ASB14: variants seen among roughly 807,000 people sequenced by gnomAD.
ASB14 encodes the protein ankyrin repeat and SOCS box protein 14.
ASB14 carries 63 observed loss-of-function variants against 55.6 expected under a neutral mutation model. The ratio of observed to expected loss-of-function variants is 1.13; its 90% CI spans 0.92 to 1.40. ASB14 has a LOEUF of 1.40. Ranked by LOEUF, ASB14 falls within the 40% of genes most tolerant of loss-of-function variation. ASB14 has a pLI of 0.00. For synonymous variants in ASB14, 256 were observed against 259.9 expected (o/e 0.98, Z 0.15); for missense variants, 724 against 710.4 (o/e 1.02, Z -0.22).
Position 57,287,886 on chromosome 3 carries a change from A to T in ASB14, c.469+15T>A. On this transcript the variant is annotated intron_variant, in intron 5 of 10. Coordinates refer to ENST00000487349, the MANE Select transcript of ASB14 (RefSeq NM_001142733.3). ...CAGTGCCACAGACTCTTTCAGAAAC[A>T]ATGTATTCATTTACCTGCAAGAAGA... 2 of 1,536,302 alleles carry T rather than the reference A, an allele frequency of 1.3e-6. No homozygotes were observed. The highest frequency in any genetic ancestry group is 1.7e-6 in the Non-Finnish European group (2 of 1,146,356).
chr3:57,269,898 A>C, intron 10 of ASB14: 1 of 453,054 alleles, frequency 2.2e-6, no homozygotes, highest in South Asian at 5.0e-5. Context: ...ACTATGTATT[A>C]ACATCTAAAG....
At chr3:57,288,467 TG>T (rs1383616198) in intron 3 of ASB14, among the ~76,000 whole-genome samples, 181 bp from the exon 4 acceptor site, 5 of 152,218 alleles carry the variant, frequency 3.3e-5, no homozygotes, top group Non-Finnish European at 5.9e-5. Context: ...GTTCCGCACC[TG>T]GGCATGTGAA....
chr3:57,276,599 T>C lies in ASB14; in HGVS notation c.1715A>G (p.Tyr572Cys). The change falls in exon 10 of 11, where the codon TAC becomes TGC. Residue 572 changes from tyrosine to cysteine, a missense_variant. Transcript: ENST00000487349. ...LPNRLKAYVLYKEYDLYGQGI... is the reference protein window; with the variant it reads ...LPNRLKAYVLCKEYDLYGQGI... Reference sequence around the variant, plus strand: ...TTGTCCATAAAGGTCGTATTCTTTGTAAAGGACATATGCTTTTAGACGATT... The same window carrying C: ...TTGTCCATAAAGGTCGTATTCTTTGCAAAGGACATATGCTTTTAGACGATT... 6.2e-7 allele frequency: 1 copy of C among 1,613,806 alleles called. No homozygotes were observed. The highest frequency in any genetic ancestry group is 1.7e-5 in the Admixed American group (1 of 60,012).
In ASB14 at chr3:57,284,094, A is replaced by ATGTATGTGTGTGTGTGTGTG. The variant is rs1553640084; in HGVS notation, c.470-656_470-655insCACACACACACACACATACA. On this transcript the variant is annotated intron_variant, in intron 5 of 10. Transcript: ENST00000487349. The stretch of plus-strand genomic sequence containing the variant: ...AATAAAAGGCTTGGGAACACTGTGT[A>ATGTATGTGTGTGTGTGTGTG]TGTGTGTGTGTGTGTGTGTGTGTGT... 1.7e-3 allele frequency among the ~76,000 whole-genome samples: 235 copies of ATGTATGTGTGTGTGTGTGTG among 136,544 alleles called. 1 individual carries two copies. The highest frequency in any genetic ancestry group is 5.0e-3 in the Admixed American group (66 of 13,192). The allele number at this position is 136,544 out of a possible 152,430, so 89.6% of individuals were successfully genotyped here.
At chr3:57,284,941 GTT>G (rs10648367) in intron 5 of ASB14, among the ~76,000 whole-genome samples, 30 of 132,172 alleles carry the variant, frequency 2.3e-4, no homozygotes, top group Non-Finnish European at 3.0e-4. Flanking sequence ...TTTCAGTGTT[GTT>G]TTTTTTTTTT....
At chr3:57,273,652 G>A (rs1418103893) in intron 10 of ASB14, among the ~76,000 whole-genome samples, 1 of 151,524 alleles carries the variant, frequency 6.6e-6, no homozygotes, top group Non-Finnish European at 1.5e-5. Flanking sequence ...CAAACTAATC[G>A]ATCACTGGTG....
chr3:57,288,264 G>A lies in ASB14; in HGVS notation c.201C>T (p.His67=). 5 of 1,537,170 alleles carry A rather than the reference G, an allele frequency of 3.3e-6. No individual in the cohort carries two copies. The highest frequency in any genetic ancestry group is 3.5e-6 in the Non-Finnish European group (4 of 1,146,690). Residue 67 remains histidine (H), a synonymous_variant, in exon 4 of 11, where the codon CAC becomes CAT. Transcript: ENST00000487349. ...IEKGKEDALS[H]LTKYHSAFGE... The stretch of plus-strand genomic sequence containing the variant: ...CAAATGCGGAATGGTACTTGGTTAA[G>A]TGTGACAATGCATCTTCCTTACCTA...
intron 10 of ASB14, among the ~76,000 whole-genome samples, chr3:57,275,260 T>C (rs931144806): frequency 6.6e-6 from 1 of 152,092 alleles, no homozygotes; most frequent in Non-Finnish European, 1.5e-5. Context: ...AAGACCAGCC[T>C]GGCCAACATG....
intron 10 of ASB14, among the ~76,000 whole-genome samples, chr3:57,276,240 T>C (rs950691617): frequency 6.6e-6 from 1 of 151,810 alleles, no homozygotes; most frequent in Non-Finnish European, 1.5e-5. Flanking sequence ...TAGAGAATGC[T>C]AGTCATTTAT....
intron 7 of ASB14, 66 bp from the exon 8 acceptor site, chr3:57,278,986 T>C: frequency 6.7e-7 from 1 of 1,489,386 alleles, no homozygotes; most frequent in Non-Finnish European, 9.2e-7. Flanking sequence ...TTGTTTATTA[T>C]TGTTTTATAG....
At chr3:57,287,875 C>T (rs2061092210) in intron 5 of ASB14, 26 bp downstream of exon 5, 12 of 1,535,138 alleles carry the variant, frequency 7.8e-6, no homozygotes, top group Non-Finnish European at 9.6e-6. Context: ...GCCACAGACT[C>T]TTTCAGAAAC....
Position 57,269,413 on chromosome 3 carries a change from C to A in ASB14, c.*228G>T. 1.2e-6 allele frequency: 1 copy of A among 866,802 alleles called. No homozygotes were observed. The highest frequency in any genetic ancestry group is 1.6e-6 in the Non-Finnish European group (1 of 609,382). 53.7% of individuals were successfully genotyped at this position (866,802 alleles called of 1,614,324 possible). A position where few individuals can be genotyped will look rare whatever the true frequency, so the allele number is the denominator to read the frequency against. On this transcript the variant is annotated 3_prime_UTR_variant, in exon 11 of 11. Transcript: ENST00000487349. ...GTTTGGGTGTAGCTTTTCTTTTTAT[C>A]AAGTTGTCAGAAGTATGCATACATA...
At chr3:57,279,416 T>C (rs1282444374) in intron 7 of ASB14, among the ~76,000 whole-genome samples, 11 of 151,608 alleles carry the variant, frequency 7.3e-5, no homozygotes, top group Admixed American at 7.2e-4. Context: ...AAGGTATGTT[T>C]AGGGCTGGGG....
Position 57,278,904 on chromosome 3 carries a change from T to G in ASB14, c.904A>C (p.Ile302Leu), listed in dbSNP as rs2061013847. 5 of 1,613,392 alleles carry G rather than the reference T, an allele frequency of 3.1e-6. No individual in the cohort carries two copies. In the South Asian group the frequency reaches 3.3e-5, roughly 11 times the overall value. ...RGHLLALKILIPVTDLAAIKQ... is the reference protein window; with the variant it reads ...RGHLLALKILLPVTDLAAIKQ... ...ATGGCAGCAAGATCCGTAACTGGAA[T>G]CAGTATCTTTAGAGCTCTGAGAAAG... is the stretch of plus-strand genomic sequence containing the variant. The change falls in exon 8 of 11, where the codon ATT becomes CTT. Residue 302 changes from isoleucine to leucine, a missense_variant. By Grantham distance (5) the Ile-to-Leu change is conservative. Coordinates refer to ENST00000487349, the MANE Select transcript of ASB14 (RefSeq NM_001142733.3).
At chr3:57,282,986 G>C (rs1579430437) in intron 6 of ASB14, among the ~76,000 whole-genome samples, 1 of 152,132 alleles carries the variant, frequency 6.6e-6, no homozygotes, top group South Asian at 2.1e-4. Context: ...CTGCATCCTA[G>C]TAACTTTAGG....
In ASB14 at chr3:57,288,156, G is replaced by A. The variant is rs1460799503; in HGVS notation, c.309C>T (p.Ser103=). 10 of 1,536,732 alleles carry A rather than the reference G, an allele frequency of 6.5e-6. No individual in the cohort carries two copies. The highest frequency in any genetic ancestry group is 7.0e-6 in the Non-Finnish European group (8 of 1,146,582). Residue 103 remains serine, a splice_region_variant and synonymous_variant, in exon 4 of 11, where the codon AGC becomes AGT. Transcript: ENST00000487349. ...CAAGAAGAATCAAAGGGAATTTACC[G>A]CTTAGGGTTATTTCCAAAATTTTCC... The part of the protein sequence containing the change: ...LNRKILEITL[S]ASDPSLWEQT...
At chr3:57,276,876 C>T in intron 9 of ASB14, 148 bp from the exon 10 acceptor site, 1 of 705,116 alleles carries the variant, frequency 1.4e-6, no homozygotes, top group Non-Finnish European at 2.3e-6. Context: ...GTTCTTATTG[C>T]AATCCTTGTT....
chr3:57,279,066 TCATC>T, intron 7 of ASB14, 146 bp from the exon 8 acceptor site: 1 of 728,708 alleles, frequency 1.4e-6, no homozygotes, highest in Non-Finnish European at 2.2e-6. Flanking sequence ...CATAATTCCT[TCATC>T]CAGAAGCTCA....
At chr3:57,270,177 G>A (rs922244940) in intron 10 of ASB14, 3 of 152,744 alleles carry the variant, frequency 2.0e-5, no homozygotes, top group Admixed American at 6.5e-5. Flanking sequence ...AATATTAAAT[G>A]TGCAATAGAA....
Sources: gnomAD v4.1 joint callset for allele counts (sites outside exome capture counted in the v4.1 genomes callset) on GRCh38, gnomAD v4.1.1 for gene constraint, MANE v1.5 for transcripts, NCBI Gene and HGNC (gene_info 2026-07-23, HGNC 2026-07-21) for gene names.